The following KCNMB4 variants were observed in gnomAD, a reference collection of about 807,000 sequenced individuals.
KCNMB4 encodes potassium calcium-activated channel subfamily M regulatory beta subunit 4, also known as calcium-activated potassium channel subunit beta-4.
KCNMB4 carries 3 observed loss-of-function variants against 20.7 expected under a neutral mutation model. The observed-to-expected ratio is 0.14, with a 90% CI of 0.07 to 0.37. The LOEUF (loss-of-function observed/expected upper bound fraction) is 0.37, where lower values mean the gene tolerates loss of function less well. Ranked by LOEUF, KCNMB4 falls within the 10% of genes least tolerant of loss-of-function variation. KCNMB4 has a pLI of 1.00. For synonymous variants in KCNMB4, 110 were observed against 113.4 expected (o/e 0.97, Z 0.19); for missense variants, 168 against 265.9 (o/e 0.63, Z 2.56).
Position 70,430,760 on chromosome 12 carries a change from C to A in KCNMB4, c.*107C>A. The A allele has an allele frequency of 1.8e-6, 2 of 1,134,084 alleles. No individual in the cohort carries two copies. The highest frequency in any genetic ancestry group is 1.8e-5 in the South Asian group (1 of 55,662). The allele number at this position is 1,134,084 out of a possible 1,614,324, so 70.3% of individuals were successfully genotyped here. ...GCGCAGGAGATGGACAGGGCCACGA[C>A]AGGGCTCTGAGAGGCTCATCCCTCA... On this transcript the variant is annotated 3_prime_UTR_variant, in exon 3 of 3. Transcript: ENST00000258111.
chr12:70,376,743 G>A (rs763655039), intron 1 of KCNMB4, among the ~76,000 whole-genome samples: 9 of 150,852 alleles, frequency 6.0e-5, no homozygotes, highest in African/African-American at 1.5e-4. Flanking sequence ...GTCATGGCAC[G>A]TGCCTGTAGT....
chr12:70,429,449 G>A (rs1396790548), intron 2 of KCNMB4, among the ~76,000 whole-genome samples: 13 of 152,104 alleles, frequency 8.5e-5, no homozygotes, highest in Non-Finnish European at 1.6e-4. Context: ...GGCGGATCAC[G>A]AGGTCAGGAG....
chr12:70,382,181 C>A (rs1883798208), intron 1 of KCNMB4, among the ~76,000 whole-genome samples: 2 of 151,776 alleles, frequency 1.3e-5, no homozygotes, highest in African/African-American at 2.4e-5. Context: ...CGCGGTGGCT[C>A]ACGCCTGTAA....
At chr12:70,371,104 G>A (rs923291084) in intron 1 of KCNMB4, among the ~76,000 whole-genome samples, 3 of 152,112 alleles carry the variant, frequency 2.0e-5, no homozygotes, top group African/African-American at 7.2e-5. Context: ...TGATCCCCCT[G>A]CCTCAGCCTC....
At chr12:70,379,787 C>T (rs1883752775) in intron 1 of KCNMB4, among the ~76,000 whole-genome samples, 1 of 152,190 alleles carries the variant, frequency 6.6e-6, no homozygotes. Context: ...GCTTCTGTAG[C>T]TTCCTCACTT....
intron 1 of KCNMB4, among the ~76,000 whole-genome samples, chr12:70,396,003 G>A (rs1868347486): frequency 6.6e-6 from 1 of 152,190 alleles, no homozygotes; most frequent in Admixed American, 6.5e-5. Context: ...ATTGAAACAG[G>A]AGGGAACAAG....
At chr12:70,416,666 GGCATTTCAAGATGTTTAAT>G (rs1464288315) in intron 2 of KCNMB4, among the ~76,000 whole-genome samples, 1 of 152,080 alleles carries the variant, frequency 6.6e-6, no homozygotes, top group African/African-American at 2.4e-5. Context: ...ACTTTGCAAA[GGCATTTCAAGATGTTTAAT>G]GCATTTTAAC....
At chr12:70,412,889 A>G (rs1305880505) in intron 2 of KCNMB4, among the ~76,000 whole-genome samples, 3 of 152,204 alleles carry the variant, frequency 2.0e-5, no homozygotes, top group African/African-American at 7.2e-5. Flanking sequence ...TAGAGAATAG[A>G]CTGGTTCTAA....
intron 2 of KCNMB4, among the ~76,000 whole-genome samples, chr12:70,411,262 G>C (rs1481816036): frequency 3.3e-5 from 5 of 151,994 alleles, no homozygotes; most frequent in Non-Finnish European, 5.9e-5. Flanking sequence ...GAAATAAATG[G>C]TTAACAGTCT....
chr12:70,429,007 C>A (rs1362415821), intron 2 of KCNMB4, among the ~76,000 whole-genome samples: 1 of 151,986 alleles, frequency 6.6e-6, no homozygotes, highest in Non-Finnish European at 1.5e-5. Context: ...CACTGTGCAT[C>A]AAAGGAAAAA....
chr12:70,407,322 G>A (rs927763399), intron 2 of KCNMB4, among the ~76,000 whole-genome samples: 1 of 152,050 alleles, frequency 6.6e-6, no homozygotes, highest in Non-Finnish European at 1.5e-5. Context: ...ACCAACCCAG[G>A]AGCTCTGGAG....
At chr12:70,395,086 T>C (rs1433234928) in intron 1 of KCNMB4, among the ~76,000 whole-genome samples, 2 of 144,930 alleles carry the variant, frequency 1.4e-5, no homozygotes, top group Admixed American at 6.8e-5. Context: ...ATATTTCTTA[T>C]AGGAGTTCAG....
chr12:70,377,017 G>A (rs1883699521), intron 1 of KCNMB4, among the ~76,000 whole-genome samples: 1 of 152,134 alleles, frequency 6.6e-6, no homozygotes, highest in Admixed American at 6.6e-5. Context: ...AGAAGACTTA[G>A]ATAAATGGAA....
At chr12:70,399,401 T>A (rs938388800) in intron 1 of KCNMB4, among the ~76,000 whole-genome samples, 1 of 152,230 alleles carries the variant, frequency 6.6e-6, no homozygotes, top group Non-Finnish European at 1.5e-5. Flanking sequence ...GAAATTGTTA[T>A]AGGGTTGTAA....
intron 2 of KCNMB4, among the ~76,000 whole-genome samples, chr12:70,407,269 G>A (rs1868631114): frequency 1.3e-5 from 2 of 151,960 alleles, no homozygotes; most frequent in African/African-American, 4.8e-5. Flanking sequence ...TGAGCAAGGG[G>A]CCCTCTCCAG....
chr12:70,427,636 G>A (rs1256281018), intron 2 of KCNMB4, among the ~76,000 whole-genome samples: 1 of 152,134 alleles, frequency 6.6e-6, no homozygotes, highest in Non-Finnish European at 1.5e-5. Flanking sequence ...GGTAGGAGGT[G>A]GAATGCCAAG....
At chr12:70,379,955 C>T (rs1883755832) in intron 1 of KCNMB4, among the ~76,000 whole-genome samples, 1 of 152,192 alleles carries the variant, frequency 6.6e-6, no homozygotes, top group African/African-American at 2.4e-5. Context: ...TTCGTGTGTT[C>T]ACTAGAGTAG....
At chr12:70,418,112 T>C (rs7486588) in intron 2 of KCNMB4, among the ~76,000 whole-genome samples, 2 of 152,314 alleles carry the variant, frequency 1.3e-5, no homozygotes, top group Admixed American at 6.5e-5. Flanking sequence ...GGTAAGAAGA[T>C]ACATTGGCAT....
chr12:70,378,119 T>A (rs1883720265), intron 1 of KCNMB4, among the ~76,000 whole-genome samples: 1 of 152,014 alleles, frequency 6.6e-6, no homozygotes. Context: ...CCAGCTAATT[T>A]TTTTTTCTGT....
Sources: gnomAD v4.1 joint callset for allele counts (sites outside exome capture counted in the v4.1 genomes callset) on GRCh38, gnomAD v4.1.1 for gene constraint, MANE v1.5 for transcripts, NCBI Gene and HGNC (gene_info 2026-07-23, HGNC 2026-07-21) for gene names.